Variants in MAST1 observed in about 807,000 individuals in gnomAD.
MAST1 encodes microtubule-associated serine/threonine-protein kinase 1.
In MAST1, 40 loss-of-function variants were observed where a neutral mutation model predicts 124.6. That is an observed-to-expected ratio of 0.32 (90% CI 0.25 to 0.42). The LOEUF is 0.42. MAST1 is among the 10% of genes least tolerant of loss of function. The probability of loss-of-function intolerance (pLI) is 1.00; values close to 1 mark genes in which losing one functional copy is unlikely to be tolerated. For missense variants in MAST1, 1,558 were observed against 2,181.9 expected, an observed-to-expected ratio of 0.71 and a Z score of 5.70; for synonymous variants, 938 against 939.4, an observed-to-expected ratio of 1.00 and a Z score of 0.03.
At chr19:12,868,102 G>GTTTTTTTTTTTTTT (rs1568414424) in intron 20 of MAST1, 125 bp downstream of exon 20, 62 of 538,958 alleles carry the variant, frequency 1.2e-4, no homozygotes, top group East Asian at 4.7e-4. Flanking sequence ...TGCAATTTGG[G>GTTTTTTTTTTTTTT]ATTTTTTTTT....
chr19:12,847,552 G>A lies in MAST1; in HGVS notation c.489-60G>A. The A allele has an allele frequency of 5.6e-6, 9 of 1,612,970 alleles. No individual in the cohort carries two copies. Among genetic ancestry groups the A allele is most frequent in the Non-Finnish European group, 6.8e-6 (8 of 1,179,260 alleles). On this transcript the variant is annotated intron_variant, in intron 5 of 25. Coordinates refer to ENST00000251472, the MANE Select transcript of MAST1 (RefSeq NM_014975.3). This position sits in a 1 kb window ranked among gnomAD's most constrained non-coding sequence, Gnocchi z 5.5. Reference sequence around the variant, plus strand: ...GAATAAAAGGGTTACATCTTGGGGCGGGGGCTCTCTGCGGGCTTGGAGGCA... The same window carrying A: ...GAATAAAAGGGTTACATCTTGGGGCAGGGGCTCTCTGCGGGCTTGGAGGCA...
At position 12,874,438 on chromosome 19, in the gene MAST1, C is replaced by G; in HGVS notation, c.4281C>G (p.Gly1427=). The G allele has an allele frequency of 6.3e-7, 1 of 1,597,374 alleles. No individual in the cohort carries two copies. The highest frequency in any genetic ancestry group is 8.5e-7 in the Non-Finnish European group (1 of 1,178,504). The change falls in exon 26 of 26, where the codon GGC becomes GGG. Residue 1427 remains glycine (G), a synonymous_variant. Coordinates refer to ENST00000251472, the MANE Select transcript of MAST1 (RefSeq NM_014975.3). The surrounding 1 kb of genome is among the most constrained non-coding windows in gnomAD (Gnocchi z 6.6). ...EHETGRRSSS[G]EAGTPLVPIV... The stretch of plus-strand genomic sequence containing the variant: ...AGACAGGCCGGCGCAGCAGCTCTGG[C>G]GAGGCGGGCACACCCCTGGTACCCA...
chr19:12,844,554 A>G (rs1322750497), intron 4 of MAST1, among the ~76,000 whole-genome samples: 2 of 152,160 alleles, frequency 1.3e-5, no homozygotes, highest in Non-Finnish European at 2.9e-5. Context: ...GGGGTTGTCA[A>G]GGAAGGCTTC....
intron 12 of MAST1, among the ~76,000 whole-genome samples, chr19:12,863,924 CT>C (rs3064382): frequency 1.8e-3 from 243 of 131,970 alleles, no homozygotes; most frequent in Admixed American, 2.6e-3. Flanking sequence ...CTACAAAAAA[CT>C]TTTTTTTTTT....
At position 12,873,434 on chromosome 19, in the gene MAST1, C is replaced by T. The variant is rs1396881025; in HGVS notation, c.3374C>T (p.Pro1125Leu). The T allele has an allele frequency of 1.9e-6, 3 of 1,613,128 alleles. No homozygotes were observed. The highest frequency in any genetic ancestry group is 2.5e-6 in the Non-Finnish European group (3 of 1,179,964). Residue 1125 changes from proline (P) to leucine (L), a missense_variant, in exon 25 of 26, where the codon CCG becomes CTG. Pro to Leu is a moderately conservative substitution (Grantham distance 98). Transcript: ENST00000251472. ...TCGCTGTCATCCAGCGATAGTCTCC[C>T]GGGCTCGCCTACGCACGGGCTGCCG... ...NRSLSSSDSL[P>L]GSPTHGLPAR... is the part of the protein sequence containing the mutation.
chr19:12,868,102 G>GGTTTTTTTTTTTTTTTTTT (rs1568414424), intron 20 of MAST1, 125 bp downstream of exon 20: 2 of 533,862 alleles, frequency 3.7e-6, no homozygotes, highest in East Asian at 8.1e-5. Flanking sequence ...TGCAATTTGG[G>GGTTTTTTTTTTTTTTTTTT]ATTTTTTTTT....
At chr19:12,863,830 C>A (rs537587543) in intron 12 of MAST1, among the ~76,000 whole-genome samples, 2 of 152,098 alleles carry the variant, frequency 1.3e-5, no homozygotes, top group Non-Finnish European at 2.9e-5. Context: ...GAGGCAGTGG[C>A]CAACACTTTG....
chr19:12,839,154 A>ACC (rs76230179), intron 1 of MAST1, among the ~76,000 whole-genome samples: 13 of 142,848 alleles, frequency 9.1e-5, no homozygotes, highest in African/African-American at 3.2e-4. Context: ...TCATAACACA[A>ACC]CCCCCCCCCC....
intron 10 of MAST1, among the ~76,000 whole-genome samples, chr19:12,857,250 A>G (rs1275330167): frequency 6.6e-6 from 1 of 151,066 alleles, no homozygotes; most frequent in Non-Finnish European, 1.5e-5. Context: ...TGCCCAGCTG[A>G]TTTTGTATTT....
intron 7 of MAST1, 125 bp from the exon 8 acceptor site, chr19:12,851,809 G>T: frequency 2.9e-6 from 2 of 693,684 alleles, no homozygotes; most frequent in Admixed American, 2.7e-5. Flanking sequence ...TGTGTGGCTT[G>T]GGCTTCAGTC....
chr19:12,873,789 C>T lies in MAST1; in HGVS notation c.3632C>T (p.Pro1211Leu). 1.3e-6 allele frequency: 2 copies of T among 1,597,518 alleles called. No homozygotes were observed. The highest frequency in any genetic ancestry group is 1.7e-6 in the Non-Finnish European group (2 of 1,178,302). Reference protein sequence around the residue: ...NIPLSPLAHTPSPTQASPPPL... With the variant: ...NIPLSPLAHTLSPTQASPPPL... Reference sequence around the variant, plus strand: ...CCTCTATCGCCGCTGGCACACACGCCGTCCCCCACGCAGGCGTCACCGCCG... The same window carrying T: ...CCTCTATCGCCGCTGGCACACACGCTGTCCCCCACGCAGGCGTCACCGCCG... The change falls in exon 26 of 26, where the codon CCG (proline) becomes CTG (leucine). Residue 1211 changes from proline (P) to leucine (L), a missense_variant. This residue lies in a region of MAST1 where 291 missense variants were observed against 475.8 expected (regional missense o/e 0.61). Transcript: ENST00000251472.
intron 22 of MAST1, among the ~76,000 whole-genome samples, chr19:12,870,168 A>AAG (rs1555744842): frequency 2.6e-5 from 2 of 78,300 alleles, no homozygotes; most frequent in East Asian, 4.4e-4. Context: ...GCGACAGAGC[A>AAG]AGACACCATC....
At position 12,873,640 on chromosome 19, in the gene MAST1, G is replaced by C. The variant is rs1324435518; in HGVS notation, c.3483G>C (p.Ser1161=). ...GASSQSSSPA[S]STPNSPASSA... is the part of the protein sequence containing the mutation. The stretch of plus-strand genomic sequence containing the variant: ...CATCCCAGAGCAGCTCCCCAGCCTC[G>C]AGCACGCCCAACTCGCCTGCGTCGT... Residue 1161 remains serine (S), a synonymous_variant, in exon 26 of 26, where the codon TCG becomes TCC. Transcript: ENST00000251472. 1.3e-6 allele frequency: 2 copies of C among 1,593,886 alleles called. No homozygotes were observed. Among genetic ancestry groups the C allele is most frequent in the Non-Finnish European group, 1.7e-6 (2 of 1,173,574 alleles).
intron 12 of MAST1, among the ~76,000 whole-genome samples, chr19:12,859,710 T>G (rs1212323209): frequency 1.3e-5 from 2 of 151,818 alleles, no homozygotes; most frequent in Non-Finnish European, 2.9e-5. Flanking sequence ...GGGAGGATTG[T>G]TTAAACACAG....
intron 7 of MAST1, chr19:12,848,483 C>A (rs112302058): frequency 5.9e-6 from 1 of 170,440 alleles, no homozygotes; most frequent in African/African-American, 2.4e-5. Context: ...CAAAATTAGC[C>A]GGGCGTGGTG....
At position 12,866,763 on chromosome 19, in the gene MAST1, GTGGGCCAAGTC is replaced by G. The variant is rs771135654; in HGVS notation, c.2139+6_2139+16del. ...TTCCTGCTCTCCGCGCTTCAGCAAGGTGGGCCAAGTCTGGGTGTGGGACAGGGCGAGACCCC... is the reference window on the plus strand; with the variant it reads ...TTCCTGCTCTCCGCGCTTCAGCAAGGTGGGTGTGGGACAGGGCGAGACCCC... On this transcript the variant is annotated splice_donor_variant and splice_donor_5th_base_variant and intron_variant, in intron 18 of 25. Transcript: ENST00000251472. LOFTEE classifies it high-confidence loss of function. The surrounding 1 kb of genome is among the most constrained non-coding windows in gnomAD (Gnocchi z 5.2). 67 of 1,611,940 alleles carry G rather than the reference GTGGGCCAAGTC, an allele frequency of 4.2e-5. No homozygotes were observed. The highest frequency in any genetic ancestry group is 5.3e-5 in the Non-Finnish European group (62 of 1,179,028).
Position 12,865,478 on chromosome 19 carries a change from A to G in MAST1, c.1801A>G (p.Ser601Gly), listed in dbSNP as rs767986246. The change falls in exon 15 of 26, where the codon AGT becomes GGT. Residue 601 changes from serine (S) to glycine (G), a missense_variant. Physicochemically the swap from Ser to Gly is moderately conservative, Grantham distance 56. Transcript: ENST00000251472. This position sits in a 1 kb window ranked among gnomAD's most constrained non-coding sequence, Gnocchi z 7.1. ...AGAGGAGCTATTTGGACAGGTCATC[A>G]GTGGTACGTGGCTTGGCAGTGTACA... Reference protein sequence around the residue: ...TPEELFGQVISDDILWPEGDE... With the variant: ...TPEELFGQVIGDDILWPEGDE... The G allele has an allele frequency of 6.3e-7, 1 of 1,579,650 alleles. No individual in the cohort carries two copies. Among genetic ancestry groups the G allele is most frequent in the South Asian group, 1.2e-5 (1 of 84,080 alleles).
At chr19:12,870,180 CAAAAAAA>C (rs35731863) in intron 22 of MAST1, among the ~76,000 whole-genome samples, 13 of 30,612 alleles carry the variant, frequency 4.2e-4, no homozygotes, top group South Asian at 1.7e-3. Context: ...GACACCATCT[CAAAAAAA>C]AAAAAAAAAA....
chr19:12,839,439 A>AT (rs1969800850), intron 1 of MAST1, among the ~76,000 whole-genome samples: 1 of 152,246 alleles, frequency 6.6e-6, no homozygotes, highest in Non-Finnish European at 1.5e-5. Context: ...CATGCATCCA[A>AT]GAATGTCACA....
Sources: allele counts gnomAD v4.1 joint callset (sites outside exome capture counted in the v4.1 genomes callset), GRCh38; gene constraint gnomAD v4.1.1; regional missense constraint gnomAD v4.1.1; non-coding constraint Gnocchi (gnomAD v3.1); transcripts MANE v1.5; gene names NCBI Gene and HGNC (gene_info 2026-07-23, HGNC 2026-07-21).